The following FRMD4A variants were observed in gnomAD, a reference collection of about 807,000 sequenced individuals.
FRMD4A encodes the protein FERM domain-containing protein 4A.
In FRMD4A, 29 loss-of-function variants were observed where a neutral mutation model predicts 129.1. The observed-to-expected ratio is 0.22, with a 90% CI of 0.17 to 0.31. The LOEUF is 0.31. Among genes scored for constraint, FRMD4A ranks in the 10% least tolerant of loss-of-function variants. FRMD4A has a pLI of 1.00. For missense variants in FRMD4A, 1,272 were observed against 1,375.8 expected (o/e 0.92, Z 1.19); for synonymous variants, 634 against 571.6 (o/e 1.11, Z -1.56).
In FRMD4A at chr10:14,180,022, C is replaced by G. The variant is rs372857222; in HGVS notation, c.45+150036G>C. Among the ~76,000 whole-genome samples the G allele has an allele frequency of 3.3e-5, 5 of 151,862 alleles. No individual in the cohort carries two copies. In the South Asian group the frequency reaches 1.0e-3, roughly 32 times the overall value. ...GCACTCCAGCCTGGGCTACAGAGAGCAAGAATCCATCAAAAAAACAAAGCA... is the reference window on the plus strand; with the variant it reads ...GCACTCCAGCCTGGGCTACAGAGAGGAAGAATCCATCAAAAAAACAAAGCA... On this transcript the variant is annotated intron_variant, in intron 2 of 24. Coordinates refer to ENST00000357447, the MANE Select transcript of FRMD4A (RefSeq NM_018027.5).
At chr10:13,966,833 A>G (rs1471771393) in intron 2 of FRMD4A, among the ~76,000 whole-genome samples, 4 of 152,400 alleles carry the variant, frequency 2.6e-5, no homozygotes, top group East Asian at 3.9e-4. Flanking sequence ...CCAAATGCCC[A>G]TCAATCAATG....
chr10:14,294,510 T>C (rs1845947446), intron 2 of FRMD4A, among the ~76,000 whole-genome samples: 2 of 152,238 alleles, frequency 1.3e-5, no homozygotes, highest in Admixed American at 1.3e-4. Flanking sequence ...ATAGGCGTTA[T>C]TATTATGCTC....
chr10:13,777,292 T>G (rs887097105), intron 6 of FRMD4A, among the ~76,000 whole-genome samples: 1 of 152,228 alleles, frequency 6.6e-6, no homozygotes, highest in African/African-American at 2.4e-5. Flanking sequence ...CCAGCGATTC[T>G]CGCTCCATCT....
Position 14,199,314 on chromosome 10 carries a change from A to G in FRMD4A, c.45+130744T>C, listed in dbSNP as rs1023606226. 1.4e-4 allele frequency among the ~76,000 whole-genome samples: 19 copies of G among 134,928 alleles called. No individual in the cohort carries two copies. The South Asian group carries it at 4.1e-3, about 29-fold the overall frequency. 88.5% of individuals were successfully genotyped at this position (134,928 alleles called of 152,430 possible). A position where few individuals can be genotyped will look rare whatever the true frequency, so the allele number is the denominator to read the frequency against. On this transcript the variant is annotated intron_variant, in intron 2 of 24. Transcript: ENST00000357447. Reference sequence around the variant, plus strand: ...TATTTATTTATTTATTTATTTATTTATTTATTTATTTATTATGTTTTGAGA... The same window carrying G: ...TATTTATTTATTTATTTATTTATTTGTTTATTTATTTATTATGTTTTGAGA...
intron 2 of FRMD4A, among the ~76,000 whole-genome samples, chr10:14,298,701 C>A (rs1317678423): frequency 6.6e-6 from 1 of 152,192 alleles, no homozygotes; most frequent in African/African-American, 2.4e-5. Context: ...TTGGCTGGAT[C>A]TGTGTTCGTG....
At chr10:13,852,655 C>T (rs1022567024) in intron 3 of FRMD4A, among the ~76,000 whole-genome samples, 2 of 152,128 alleles carry the variant, frequency 1.3e-5, no homozygotes, top group African/African-American at 4.8e-5. Context: ...ATTTACAAGA[C>T]ATTTTACTTA....
chr10:13,901,571 T>A (rs1456154722), intron 2 of FRMD4A, among the ~76,000 whole-genome samples: 2 of 145,964 alleles, frequency 1.4e-5, no homozygotes, highest in Non-Finnish European at 3.0e-5. Flanking sequence ...ATCATGCCAC[T>A]GCACTCCAGC....
intron 9 of FRMD4A, among the ~76,000 whole-genome samples, chr10:13,741,316 TG>T (rs1027242645): frequency 6.6e-6 from 1 of 151,728 alleles, no homozygotes; most frequent in African/African-American, 2.4e-5. Context: ...CCAGGCATGG[TG>T]GGGTATGCCT....
chr10:13,664,210 G>A (rs2082844592), intron 18 of FRMD4A, among the ~76,000 whole-genome samples: 1 of 152,182 alleles, frequency 6.6e-6, no homozygotes, highest in African/African-American at 2.4e-5. Flanking sequence ...CAAGTTTGGT[G>A]TTTTATCTCT....
intron 2 of FRMD4A, among the ~76,000 whole-genome samples, chr10:14,289,558 A>T (rs551351503): frequency 2.6e-5 from 4 of 152,130 alleles, no homozygotes; most frequent in African/African-American, 9.6e-5. Flanking sequence ...TGTTTTGCAA[A>T]TTTTTTTACA....
At chr10:13,813,873 A>G (rs1388139201) in intron 3 of FRMD4A, among the ~76,000 whole-genome samples, 1 of 152,276 alleles carries the variant, frequency 6.6e-6, no homozygotes, top group African/African-American at 2.4e-5. Flanking sequence ...TAGAAAAATC[A>G]TAAGTCAGAC....
At chr10:13,960,679 T>A (rs1451567925) in intron 2 of FRMD4A, among the ~76,000 whole-genome samples, 1 of 152,214 alleles carries the variant, frequency 6.6e-6, no homozygotes, top group Non-Finnish European at 1.5e-5. Context: ...CATGCTAAGC[T>A]GACTGTCTGG....
chr10:13,914,188 A>G (rs2094974596), intron 2 of FRMD4A, among the ~76,000 whole-genome samples: 1 of 152,256 alleles, frequency 6.6e-6, no homozygotes. Flanking sequence ...AGGGCAGAGT[A>G]TGCTGTGGTT....
intron 2 of FRMD4A, among the ~76,000 whole-genome samples, chr10:13,964,132 G>GA (rs57593743): frequency 4.3e-3 from 534 of 124,266 alleles, no homozygotes; most frequent in Non-Finnish European, 5.4e-3. Context: ...ACAGGCATTA[G>GA]AAAAAAAAAA....
chr10:14,120,786 AG>A (rs148639315), intron 2 of FRMD4A, among the ~76,000 whole-genome samples: 1,677 of 152,294 alleles, frequency 0.011, 23 homozygotes, highest in African/African-American at 0.038. Context: ...ACTGAGACCC[AG>A]GGGGCCTGTC....
chr10:13,722,284 T>C (rs2089484269), intron 12 of FRMD4A, among the ~76,000 whole-genome samples: 1 of 147,880 alleles, frequency 6.8e-6, no homozygotes, highest in African/African-American at 2.5e-5. Flanking sequence ...CAGGCTGGAG[T>C]GCAGTGATGC....
intron 4 of FRMD4A, among the ~76,000 whole-genome samples, chr10:13,802,353 G>C (rs1192060171): frequency 6.6e-6 from 1 of 152,182 alleles, no homozygotes; most frequent in Non-Finnish European, 1.5e-5. Context: ...GACCCAGGGG[G>C]AGAATGACAC....
At chr10:14,050,469 T>G (rs903129114) in intron 2 of FRMD4A, among the ~76,000 whole-genome samples, 1 of 152,104 alleles carries the variant, frequency 6.6e-6, no homozygotes, top group African/African-American at 2.4e-5. Flanking sequence ...AAATAAATAT[T>G]TGGTCTCTGT....
intron 2 of FRMD4A, among the ~76,000 whole-genome samples, chr10:13,907,980 A>C (rs1358978798): frequency 6.6e-6 from 1 of 151,858 alleles, no homozygotes; most frequent in Non-Finnish European, 1.5e-5. Context: ...AGCCTGGCCA[A>C]CATGGTAAAA....
Sources: gnomAD v4.1 joint callset for allele counts (sites outside exome capture counted in the v4.1 genomes callset) on GRCh38, gnomAD v4.1.1 for gene constraint, MANE v1.5 for transcripts, NCBI Gene and HGNC (gene_info 2026-07-23, HGNC 2026-07-21) for gene names.